PGBD1: variants seen among roughly 807,000 people sequenced by gnomAD.
PGBD1 encodes the protein piggyBac transposable element-derived protein 1.
A neutral mutation model predicts 34.7 loss-of-function variants in PGBD1; 25 were observed. The ratio of observed to expected loss-of-function variants is 0.72; its 90% confidence interval spans 0.52 to 1.00. PGBD1 has a LOEUF of 1.00. Ranked by LOEUF, PGBD1 falls within the 50% of genes least tolerant of loss-of-function variation. The probability of loss-of-function intolerance (pLI) is 0.00; values close to 1 mark genes in which losing one functional copy is unlikely to be tolerated. For synonymous variants in PGBD1, 292 were observed against 335.7 expected (o/e 0.87, Z 1.42); for missense variants, 830 against 959.4 (o/e 0.87, Z 1.78).
chr6:28,283,339 A>G (rs894106037), intron 1 of PGBD1, among the ~76,000 whole-genome samples: 1 of 152,266 alleles, frequency 6.6e-6, no homozygotes, highest in East Asian at 1.9e-4. Flanking sequence ...ATCTCATCAC[A>G]AAAGGTATTT....
Position 28,281,670 on chromosome 6 carries a change from C to A in PGBD1, c.-287C>A, listed in dbSNP as rs1332577105. On this transcript the variant is annotated 5_prime_UTR_variant, in exon 1 of 7. Transcript: ENST00000682144. Reference sequence around the variant, plus strand: ...AACCGGCGCTCCCGACAGGGGAGCACCGGGCCTCTGAGCTCCCTCGGGAGC... The same window carrying A: ...AACCGGCGCTCCCGACAGGGGAGCAACGGGCCTCTGAGCTCCCTCGGGAGC... 8.4e-6 allele frequency: 3 copies of A among 357,120 alleles called. 1 individual carries two copies. 22.1% of individuals were successfully genotyped at this position (357,120 alleles called of 1,614,324 possible).
chr6:28,294,319 A>G (rs1762562508), intron 4 of PGBD1, among the ~76,000 whole-genome samples: 1 of 152,226 alleles, frequency 6.6e-6, no homozygotes. Flanking sequence ...CCATCTCTAT[A>G]AAATGCATCA....
intron 2 of PGBD1, 40 bp from the exon 3 acceptor site, chr6:28,285,511 A>G: frequency 1.9e-6 from 3 of 1,595,694 alleles, no homozygotes; most frequent in South Asian, 2.3e-5. Context: ...CATGCAGTCC[A>G]TATATGCATG....
intron 5 of PGBD1, 64 bp from the exon 6 acceptor site, chr6:28,297,831 T>A: frequency 3.3e-6 from 1 of 307,410 alleles, no homozygotes. Flanking sequence ...TTTTTTTTTT[T>A]TTTTTTTTTT....
intron 4 of PGBD1, among the ~76,000 whole-genome samples, chr6:28,287,713 T>C (rs557699922): frequency 6.6e-6 from 1 of 152,152 alleles, no homozygotes; most frequent in Non-Finnish European, 1.5e-5. Context: ...AATAACTCTC[T>C]CATTTAAGTC....
In PGBD1 at chr6:28,302,448, CAAGT is replaced by C; in HGVS notation, c.*167_*170del. 2 of 730,832 alleles carry C rather than the reference CAAGT, an allele frequency of 2.7e-6. No homozygotes were observed. The highest frequency in any genetic ancestry group is 2.6e-5 in the South Asian group (1 of 38,728). 45.3% of individuals were successfully genotyped at this position (730,832 alleles called of 1,614,324 possible). A position where few individuals can be genotyped will look rare whatever the true frequency, so the allele number is the denominator to read the frequency against. Reference sequence around the variant, plus strand: ...TATAGAGTTTCAAAGACTATTGTAACAAGTAATGTTAAAAATTGTCTGTGAGAAT... The same window carrying C: ...TATAGAGTTTCAAAGACTATTGTAACAATGTTAAAAATTGTCTGTGAGAAT... On this transcript the variant is annotated 3_prime_UTR_variant, in exon 7 of 7. Coordinates refer to ENST00000682144, the MANE Select transcript of PGBD1 (RefSeq NM_032507.4).
At position 28,283,784 on chromosome 6, in the gene PGBD1, C is replaced by G. The variant is rs1418071570; in HGVS notation, c.-30C>G. On this transcript the variant is annotated 5_prime_UTR_variant, in exon 2 of 7. Transcript: ENST00000682144. ...TCTATTTCTGAATATAGACCCCAAG[C>G]TAAGTGAAGCTTTAGCCTCTAAGCT... 6.5e-7 allele frequency: 1 copy of G among 1,532,300 alleles called. No individual in the cohort carries two copies. The highest frequency in any genetic ancestry group is 1.3e-5 in the South Asian group (1 of 78,246). 94.9% of individuals were successfully genotyped at this position (1,532,300 alleles called of 1,614,324 possible). A position where few individuals can be genotyped will look rare whatever the true frequency, so the allele number is the denominator to read the frequency against.
chr6:28,301,888 A>G lies in PGBD1; in HGVS notation c.2034A>G (p.Ile678Met). ...KMKRGYFDFR[I>M]EENNEIILCR... Reference sequence around the variant, plus strand: ...AGAGAGGGTATTTTGATTTCCGAATAGAAGAAAACAATGAGATAATTTTGT... The same window carrying G: ...AGAGAGGGTATTTTGATTTCCGAATGGAAGAAAACAATGAGATAATTTTGT... Residue 678 changes from isoleucine (I) to methionine (M), a missense_variant, in exon 7 of 7, where the codon ATA becomes ATG. By Grantham distance (10) the Ile-to-Met change is conservative. Around this residue, in one of 3 missense-constraint regions of PGBD1, gnomAD observed 372 missense variants for 427.9 expected, o/e 0.87. Coordinates refer to ENST00000682144, the MANE Select transcript of PGBD1 (RefSeq NM_032507.4). 1 of 1,614,194 alleles carries G rather than the reference A, an allele frequency of 6.2e-7. No individual in the cohort carries two copies.
At chr6:28,293,003 C>T (rs1762510161) in intron 4 of PGBD1, among the ~76,000 whole-genome samples, 1 of 151,940 alleles carries the variant, frequency 6.6e-6, no homozygotes, top group Admixed American at 6.6e-5. Flanking sequence ...AGTGCAGTGG[C>T]GCGATCTCAG....
At chr6:28,286,287 G>A (rs942850239) in intron 3 of PGBD1, among the ~76,000 whole-genome samples, 2 of 152,196 alleles carry the variant, frequency 1.3e-5, no homozygotes, top group Non-Finnish European at 2.9e-5. Flanking sequence ...ATTACCACAT[G>A]TGCTCTTCAT....
At chr6:28,290,252 T>C (rs1762405103) in intron 4 of PGBD1, among the ~76,000 whole-genome samples, 1 of 152,128 alleles carries the variant, frequency 6.6e-6, no homozygotes, top group Non-Finnish European at 1.5e-5. Context: ...TGTGCCACCA[T>C]GCCTGGGTAA....
rs765061365 is a variant in PGBD1, at chr6:28,287,169, G to A, written c.642+1G>A. 1.2e-6 allele frequency: 2 copies of A among 1,609,528 alleles called. No individual in the cohort carries two copies. Among genetic ancestry groups the A allele is most frequent in the East Asian group, 2.2e-5 (1 of 44,864 alleles). ...TGTGTTTAACCCAGTCAGGTCCCAG[G>A]TAAGTAGGATGCCCAAGCTTGTAGG... On this transcript the variant is annotated splice_donor_variant, in intron 4 of 6. Transcript: ENST00000682144. LOFTEE classifies it high-confidence loss of function.
In PGBD1 at chr6:28,281,595, G is replaced by T. The variant is rs1027044216; in HGVS notation, c.-362G>T. 1.0e-5 allele frequency: 4 copies of T among 385,132 alleles called. No homozygotes were observed. Among genetic ancestry groups the T allele is most frequent in the African/African-American group, 6.2e-5 (3 of 48,202 alleles). 23.9% of individuals were successfully genotyped at this position (385,132 alleles called of 1,614,324 possible). ...TTGTACCCGCCCAGCTGCTGGAGGC[G>T]CCGGCAGCGCCCGCCAGACCCGCCA... On this transcript the variant is annotated 5_prime_UTR_variant, in exon 1 of 7. Transcript: ENST00000682144.
intron 3 of PGBD1, 60 bp downstream of exon 3, chr6:28,285,767 C>T: frequency 6.6e-7 from 1 of 1,518,658 alleles, no homozygotes; most frequent in African/African-American, 1.4e-5. Flanking sequence ...ACTTGCACAG[C>T]CTTCTTGACC....
chr6:28,294,815 A>G lies in PGBD1; in HGVS notation c.643-2001A>G, dbSNP rs147285315. Among the ~76,000 whole-genome samples, 1,036 of 152,348 alleles carry G rather than the reference A, an allele frequency of 6.8e-3. 13 individuals carry two copies. Among genetic ancestry groups the G allele is most frequent in the African/African-American group, 0.023 (951 of 41,566 alleles). On this transcript the variant is annotated intron_variant, in intron 4 of 6. Transcript: ENST00000682144. ...CACAAGAGCTCTGAAGGAGAGGTAC[A>G]AGGAAATTAATGTTTTCAAGCCTGC...
intron 2 of PGBD1, among the ~76,000 whole-genome samples, 172 bp from the exon 3 acceptor site, chr6:28,285,379 C>T (rs1337721906): frequency 1.3e-5 from 2 of 152,064 alleles, no homozygotes; most frequent in African/African-American, 2.4e-5. Context: ...AAATTTTCAC[C>T]AGCTAGTTTA....
chr6:28,287,276 A>G, intron 4 of PGBD1, 108 bp downstream of exon 4: 1 of 902,674 alleles, frequency 1.1e-6, no homozygotes. Context: ...AGAGCCATTC[A>G]GGTGGCATAG....
Position 28,281,635 on chromosome 6 carries a change from GCTCTGGGGAAACCGGCGCTCCCGAC to G in PGBD1, c.-321_-297del, listed in dbSNP as rs543220577. On this transcript the variant is annotated 5_prime_UTR_variant, in exon 1 of 7. Transcript: ENST00000682144. ...CAGACCCGCCAGCCCAGCGGCCCGGGCTCTGGGGAAACCGGCGCTCCCGACAGGGGAGCACCGGGCCTCTGAGCTC... is the reference window on the plus strand; with the variant it reads ...CAGACCCGCCAGCCCAGCGGCCCGGGAGGGGAGCACCGGGCCTCTGAGCTC... The G allele has an allele frequency of 5.0e-3, 1,877 of 376,188 alleles. 13 individuals carry two copies. Among genetic ancestry groups the G allele is most frequent in the African/African-American group, 0.024 (1,158 of 48,156 alleles). 23.3% of individuals were successfully genotyped at this position (376,188 alleles called of 1,614,324 possible). A position where few individuals can be genotyped will look rare whatever the true frequency, so the allele number is the denominator to read the frequency against.
chr6:28,297,323 C>T (rs1762674543), intron 5 of PGBD1, among the ~76,000 whole-genome samples: 2 of 152,134 alleles, frequency 1.3e-5, no homozygotes, highest in East Asian at 1.9e-4. Flanking sequence ...TTGTCTTTAC[C>T]TCAGAGGAGG....
Sources: gnomAD v4.1 joint callset for allele counts (sites outside exome capture counted in the v4.1 genomes callset) on GRCh38, gnomAD v4.1.1 for gene constraint, gnomAD v4.1.1 regional missense constraint, MANE v1.5 for transcripts, NCBI Gene and HGNC (gene_info 2026-07-23, HGNC 2026-07-21) for gene names.